Variants in CFAP20DC observed in about 807,000 individuals in gnomAD.
CFAP20DC encodes CFAP20 domain containing.
A neutral mutation model predicts 101.7 loss-of-function variants in CFAP20DC; 84 were observed. That is an observed-to-expected ratio of 0.83 (90% CI 0.69 to 0.99). CFAP20DC has a LOEUF of 0.99. CFAP20DC is among the 50% of genes least tolerant of loss of function. The pLI is 0.00. For synonymous variants in CFAP20DC, 359 were observed against 351.2 expected (o/e 1.02, Z -0.25); for missense variants, 1,007 against 970.3 (o/e 1.04, Z -0.50).
rs1421639303 is a variant in CFAP20DC, at chr3:58,717,510, T to C, written c.*78A>G. 2.4e-6 allele frequency: 1 copy of C among 412,996 alleles called. No individual in the cohort carries two copies. Among genetic ancestry groups the C allele is most frequent in the Non-Finnish European group, 4.8e-6 (1 of 209,498 alleles). The allele number at this position is 412,996 out of a possible 1,614,324, so 25.6% of individuals were successfully genotyped here. A position where few individuals can be genotyped will look rare whatever the true frequency, so the allele number is the denominator to read the frequency against. On this transcript the variant is annotated 3_prime_UTR_variant, in exon 4 of 4. Coordinates refer to the CFAP20DC transcript ENST00000486145. The surrounding 1 kb of genome is among the most constrained non-coding windows in gnomAD (Gnocchi z 4.1). ...TCTGGAAACTGTAGTTCAGGATGAG[T>C]ATAGATGCTCAAGGAAGAAGTGAGG...
intron 15 of CFAP20DC, among the ~76,000 whole-genome samples, chr3:58,771,273 A>T (rs996110780): frequency 5.3e-5 from 8 of 152,138 alleles, no homozygotes; most frequent in African/African-American, 1.9e-4. Context: ...TAGGGGAGGG[A>T]TAACATTAGG....
chr3:58,922,842 G>A (rs12330795), intron 5 of CFAP20DC, among the ~76,000 whole-genome samples: 14,286 of 151,746 alleles, frequency 0.094, 2,229 homozygotes, highest in African/African-American at 0.33. Context: ...GGTTTGCAAT[G>A]TGGATCTTTA....
chr3:58,894,954 C>T lies in CFAP20DC; in HGVS notation c.551-10245G>A, dbSNP rs764966440. Among the ~76,000 whole-genome samples the T allele has an allele frequency of 4.6e-5, 7 of 152,222 alleles. No individual in the cohort carries two copies. The highest frequency in any genetic ancestry group is 1.0e-4 in the Non-Finnish European group (7 of 68,048). The stretch of plus-strand genomic sequence containing the variant: ...GGCTTGCACCCTCTGAAGCCATGGC[C>T]TAAGCTCTATGTTGGCCCCTTGTAG... On this transcript the variant is annotated intron_variant, in intron 6 of 16. Transcript: ENST00000482387. This position sits in a 1 kb window ranked among gnomAD's most constrained non-coding sequence, Gnocchi z 4.1.
chr3:58,813,010 C>G (rs995202041), intron 14 of CFAP20DC, among the ~76,000 whole-genome samples: 1 of 151,828 alleles, frequency 6.6e-6, no homozygotes, highest in African/African-American at 2.4e-5. Context: ...CCCAGACACA[C>G]AGAAAATACA....
At chr3:58,987,162 A>G (rs983289313) in intron 4 of CFAP20DC, among the ~76,000 whole-genome samples, 4 of 152,126 alleles carry the variant, frequency 2.6e-5, no homozygotes, top group African/African-American at 9.6e-5. Context: ...AAGGAGATGG[A>G]TGGGATACAA....
At chr3:58,856,987 G>A (rs1337686234) in intron 12 of CFAP20DC, among the ~76,000 whole-genome samples, 1 of 152,138 alleles carries the variant, frequency 6.6e-6, no homozygotes, top group African/African-American at 2.4e-5. Flanking sequence ...TATGACGTAG[G>A]TAGAAACTGG....
At chr3:58,962,708 C>A (rs1199821063) in intron 4 of CFAP20DC, among the ~76,000 whole-genome samples, 1 of 152,116 alleles carries the variant, frequency 6.6e-6, no homozygotes, top group African/African-American at 2.4e-5. Context: ...CGTGAACGAG[C>A]CTGGCCCAGC....
At chr3:58,823,196 T>A (rs1346165406) in intron 14 of CFAP20DC, among the ~76,000 whole-genome samples, 2 of 152,136 alleles carry the variant, frequency 1.3e-5, no homozygotes, top group Non-Finnish European at 2.9e-5. Flanking sequence ...TGCTAATCTG[T>A]CTTTTGTTGC....
chr3:58,718,542 C>T (rs1397329731), intron 3 of CFAP20DC, among the ~76,000 whole-genome samples: 1 of 152,154 alleles, frequency 6.6e-6, no homozygotes, highest in Non-Finnish European at 1.5e-5. Context: ...CCAATTCCAC[C>T]CAGAGCCATG....
At chr3:58,821,601 T>C (rs2075650632) in intron 14 of CFAP20DC, among the ~76,000 whole-genome samples, 1 of 149,450 alleles carries the variant, frequency 6.7e-6, no homozygotes, top group East Asian at 2.0e-4. Context: ...TGAGATACCA[T>C]CTCACACCAG....
chr3:58,870,894 CAAAAAAAAAAAAAAA>C (rs548763648), intron 7 of CFAP20DC, among the ~76,000 whole-genome samples: 3 of 18,952 alleles, frequency 1.6e-4, no homozygotes, highest in Non-Finnish European at 3.2e-4. Flanking sequence ...GACTCCGTCT[CAAAAAAAAAAAAAAA>C]AAAAAAAAAA....
At chr3:59,000,642 C>T (rs180788353) in intron 4 of CFAP20DC, among the ~76,000 whole-genome samples, 305 of 152,008 alleles carry the variant, frequency 2.0e-3, no homozygotes, top group Non-Finnish European at 3.7e-3. Flanking sequence ...CAAGGAGAAT[C>T]GGGAAGATTT....
chr3:58,936,334 A>T (rs1421623453), intron 5 of CFAP20DC, among the ~76,000 whole-genome samples: 1 of 151,984 alleles, frequency 6.6e-6, no homozygotes, highest in African/African-American at 2.4e-5. Flanking sequence ...TGGGACTGTA[A>T]ACTAGTTCAA....
chr3:58,773,006 T>A (rs920715511), intron 15 of CFAP20DC, among the ~76,000 whole-genome samples: 1 of 151,938 alleles, frequency 6.6e-6, no homozygotes, highest in Non-Finnish European at 1.5e-5. Context: ...CTGGTTGAAT[T>A]TTTTTTACTC....
chr3:58,737,469 G>C (rs976861061), downstream of CFAP20DC, among the ~76,000 whole-genome samples: 2 of 152,088 alleles, frequency 1.3e-5, no homozygotes, highest in Admixed American at 1.3e-4. The surrounding 1 kb of genome is among the most constrained non-coding windows in gnomAD (Gnocchi z 4.1). Context: ...TTTCTCAAAG[G>C]ATGTGAGTGG....
chr3:58,981,689 C>T (rs1259392794), intron 4 of CFAP20DC, among the ~76,000 whole-genome samples: 1 of 152,138 alleles, frequency 6.6e-6, no homozygotes, highest in African/African-American at 2.4e-5. Context: ...TTCCTTACAC[C>T]TTAAACAAAA....
intron 3 of CFAP20DC, among the ~76,000 whole-genome samples, chr3:58,720,646 G>C (rs942053229): frequency 6.6e-6 from 1 of 152,160 alleles, no homozygotes; most frequent in Non-Finnish European, 1.5e-5. Context: ...AATCTTCTTG[G>C]AGGCATTCCC....
Position 58,912,260 on chromosome 3 carries a change from T to A in CFAP20DC, c.550+1448A>T, listed in dbSNP as rs965152583. ...TAATCAGGTTATGATTCACCTCCTATGATCTGATGTACACTGCACAAATAT... is the reference window on the plus strand; with the variant it reads ...TAATCAGGTTATGATTCACCTCCTAAGATCTGATGTACACTGCACAAATAT... On this transcript the variant is annotated intron_variant, in intron 6 of 16. Transcript: ENST00000482387. This position sits in a 1 kb window ranked among gnomAD's most constrained non-coding sequence, Gnocchi z 4.4. Among the ~76,000 whole-genome samples, 1 of 152,274 alleles carries A rather than the reference T, an allele frequency of 6.6e-6. No homozygotes were observed. The highest frequency in any genetic ancestry group is 1.5e-5 in the Non-Finnish European group (1 of 68,008).
intron 15 of CFAP20DC, among the ~76,000 whole-genome samples, chr3:58,757,774 T>C (rs528775288): frequency 2.0e-4 from 30 of 152,276 alleles, no homozygotes; most frequent in Admixed American, 7.9e-4. Context: ...CATAGAGTTA[T>C]TTTGACAAAT....
Sources: allele counts gnomAD v4.1 joint callset (sites outside exome capture counted in the v4.1 genomes callset), GRCh38; gene constraint gnomAD v4.1.1; non-coding constraint Gnocchi (gnomAD v3.1); transcripts MANE v1.5; gene names NCBI Gene and HGNC (gene_info 2026-07-23, HGNC 2026-07-21).